PKHD1: variants seen among roughly 807,000 people sequenced by gnomAD.
The protein encoded by PKHD1 is fibrocystin.
Under a neutral mutation model 412.0 loss-of-function variants are expected in PKHD1, and 291 were observed. The ratio of observed to expected loss-of-function variants is 0.71; its 90% CI spans 0.64 to 0.78. The LOEUF (loss-of-function observed/expected upper bound fraction) is 0.78, where lower values mean the gene tolerates loss of function less well. PKHD1 is among the 30% of genes least tolerant of loss of function. The probability of loss-of-function intolerance (pLI) is 0.00; values close to 1 mark genes in which losing one functional copy is unlikely to be tolerated. For missense variants in PKHD1, 4,825 were observed against 4,950.7 expected, an observed-to-expected ratio of 0.97 and a Z score of 0.76; for synonymous variants, 1,777 against 1,821.5, an observed-to-expected ratio of 0.98 and a Z score of 0.62.
chr6:51,722,063 C>G (rs760726400), intron 60 of PKHD1: 1 of 1,613,340 alleles, frequency 6.2e-7, no homozygotes, highest in Non-Finnish European at 8.5e-7. Flanking sequence ...TGAAGGCTCT[C>G]CAAAAATATG....
intron 55 of PKHD1, among the ~76,000 whole-genome samples, chr6:51,765,057 T>C (rs1332217765): frequency 6.6e-6 from 1 of 152,106 alleles, no homozygotes; most frequent in Non-Finnish European, 1.5e-5. Flanking sequence ...CAACTTCGCA[T>C]GCCCCTGCTG....
In PKHD1 at chr6:51,909,369, A is replaced by G; in HGVS notation, c.6596T>C (p.Val2199Ala). The change falls in exon 40 of 67, where the codon GTC (valine) becomes GCC (alanine). Residue 2199 changes from valine (V) to alanine (A), a missense_variant. Transcript: ENST00000371117. ...VQSFPEEPSQVQLKGVQFQVL... is the reference protein window; with the variant it reads ...VQSFPEEPSQAQLKGVQFQVL... Reference sequence around the variant, plus strand: ...TTGAAACTGCACTCCCTTCAACTGGACCTGGCTGGGCTCTTCTGGGAAGGA... The same window carrying G: ...TTGAAACTGCACTCCCTTCAACTGGGCCTGGCTGGGCTCTTCTGGGAAGGA... The G allele has an allele frequency of 6.2e-7, 1 of 1,613,472 alleles. No homozygotes were observed. The highest frequency in any genetic ancestry group is 1.7e-5 in the Admixed American group (1 of 59,946).
At position 51,754,913 on chromosome 6, in the gene PKHD1, A is replaced by C; in HGVS notation, c.8668T>G (p.Trp2890Gly). Residue 2890 changes from tryptophan to glycine, a missense_variant, in exon 56 of 67, where the codon TGG becomes GGG. Trp to Gly is a radical substitution (Grantham distance 184). Transcript: ENST00000371117. ...ERIIVEDAVD[W>G]RPHDKIVLSS... ...AGGACTATTTTGTCATGGGGGCGCC[A>C]ATCCACTGCATCTTCTACTATAATT... 6.2e-7 allele frequency: 1 copy of C among 1,613,526 alleles called. No homozygotes were observed. The highest frequency in any genetic ancestry group is 2.2e-5 in the East Asian group (1 of 44,874).
chr6:51,761,076 TA>T (rs762367288), intron 55 of PKHD1, among the ~76,000 whole-genome samples: 3 of 152,136 alleles, frequency 2.0e-5, no homozygotes, highest in Non-Finnish European at 4.4e-5. Context: ...ATCTTCTAGA[TA>T]TATATTCCAA....
intron 60 of PKHD1, chr6:51,739,882 G>A (rs1310977979): frequency 4.7e-6 from 2 of 422,292 alleles, no homozygotes; most frequent in Non-Finnish European, 1.0e-5. Context: ...TGCCCCACAT[G>A]TGTGAACCGG....
chr6:51,797,981 T>C (rs1794858619), intron 52 of PKHD1, among the ~76,000 whole-genome samples: 2 of 152,200 alleles, frequency 1.3e-5, no homozygotes, highest in Admixed American at 6.5e-5. Flanking sequence ...CCTTCAGTTC[T>C]TGTAAGGCAG....
chr6:52,024,638 C>A lies in PKHD1; in HGVS notation c.5172G>T (p.Gly1724=). 6.2e-7 allele frequency: 1 copy of A among 1,614,170 alleles called. No homozygotes were observed. The highest frequency in any genetic ancestry group is 8.5e-7 in the Non-Finnish European group (1 of 1,180,000). Residue 1724 remains glycine (G), a synonymous_variant, in exon 32 of 67, where the codon GGG becomes GGT. Coordinates refer to ENST00000371117, the MANE Select transcript of PKHD1 (RefSeq NM_138694.4). ...TGAACACCAGGGCAGATGAGGCCCA[C>A]CCTCTGATGCAGTCATAGCCTCTGA... The part of the protein sequence containing the change: ...YHVRGYDCIR[G]WASSALVFTS...
intron 60 of PKHD1, among the ~76,000 whole-genome samples, chr6:51,699,103 T>C (rs1053436468): frequency 6.6e-6 from 1 of 152,192 alleles, no homozygotes; most frequent in Non-Finnish European, 1.5e-5. Flanking sequence ...AATTCTCATA[T>C]GGTAATTTTT....
At chr6:51,634,602 G>A (rs1035478718) in intron 64 of PKHD1, among the ~76,000 whole-genome samples, 12 of 152,244 alleles carry the variant, frequency 7.9e-5, no homozygotes, top group African/African-American at 2.6e-4. Context: ...ACAAACATTT[G>A]TTAAACAAAT....
At chr6:52,059,200 G>T (rs1163200473) in intron 15 of PKHD1, among the ~76,000 whole-genome samples, 2 of 149,584 alleles carry the variant, frequency 1.3e-5, no homozygotes, top group Non-Finnish European at 3.0e-5. Flanking sequence ...TCCTCAATGT[G>T]CCTTTTGCTA....
In PKHD1 at chr6:51,621,042, G is replaced by T. The variant is rs560450470; in HGVS notation, c.11786-1522C>A. The stretch of plus-strand genomic sequence containing the variant: ...TTACCCTAGTTTTCCTAAGGAACCT[G>T]CAGCTCCTTCCAGAAGTGTTTCTTC... On this transcript the variant is annotated intron_variant, in intron 66 of 66. Transcript: ENST00000371117. 8.6e-4 allele frequency among the ~76,000 whole-genome samples: 131 copies of T among 152,166 alleles called. 1 individual carries two copies. The highest frequency in any genetic ancestry group is 3.1e-3 in the Admixed American group (47 of 15,280).
rs1772557847 is a variant in PKHD1, at chr6:51,659,938, G to A, written c.10188C>T (p.Tyr3396=). ...GTFREEQKCT[Y]QFLMQGFICK... ...AGATGAATCCTTGCATCAGAAATTG[G>A]TATGTACATTTCTGTTCTTCTCTAA... is the stretch of plus-strand genomic sequence containing the variant. Residue 3396 remains tyrosine (Y), a synonymous_variant, in exon 61 of 67, where the codon TAC becomes TAT. Coordinates refer to ENST00000371117, the MANE Select transcript of PKHD1 (RefSeq NM_138694.4). The A allele has an allele frequency of 3.7e-6, 6 of 1,609,948 alleles. No homozygotes were observed. The highest frequency in any genetic ancestry group is 3.4e-6 in the Non-Finnish European group (4 of 1,176,598).
intron 64 of PKHD1, among the ~76,000 whole-genome samples, chr6:51,633,754 A>G (rs1361764934): frequency 6.6e-6 from 1 of 152,204 alleles, no homozygotes; most frequent in African/African-American, 2.4e-5. Flanking sequence ...GAAAGGCTAC[A>G]TGTATGTGAG....
At chr6:52,049,161 C>A (rs1449565876) in intron 22 of PKHD1, among the ~76,000 whole-genome samples, 1 of 152,202 alleles carries the variant, frequency 6.6e-6, no homozygotes, top group African/African-American at 2.4e-5. Context: ...GTGCAACCAT[C>A]ATGCAGTTTA....
intron 12 of PKHD1, among the ~76,000 whole-genome samples, chr6:52,065,328 G>A (rs1050720994): frequency 2.6e-5 from 4 of 151,734 alleles, no homozygotes; most frequent in Non-Finnish European, 2.9e-5. Flanking sequence ...AAGGAGAAAA[G>A]AGAGAGTGCA....
intron 52 of PKHD1, among the ~76,000 whole-genome samples, chr6:51,818,505 G>A (rs999065955): frequency 6.6e-6 from 1 of 152,166 alleles, no homozygotes; most frequent in African/African-American, 2.4e-5. Context: ...TTATCTCTGA[G>A]CTCTTTCTTG....
chr6:51,655,392 T>C (rs978614835), intron 61 of PKHD1, among the ~76,000 whole-genome samples: 5 of 152,114 alleles, frequency 3.3e-5, no homozygotes, highest in African/African-American at 1.2e-4. Flanking sequence ...GGTTTTCTTC[T>C]CTATTCCAAA....
chr6:51,726,128 C>A (rs929230203), intron 60 of PKHD1, among the ~76,000 whole-genome samples: 2 of 152,146 alleles, frequency 1.3e-5, no homozygotes, highest in African/African-American at 4.8e-5. Context: ...ATAGATGTGT[C>A]TGAGAGATCC....
At chr6:51,982,164 C>T (rs1473765498) in intron 35 of PKHD1, among the ~76,000 whole-genome samples, 4 of 44,340 alleles carry the variant, frequency 9.0e-5, no homozygotes, top group Non-Finnish European at 1.0e-4. Context: ...CGCCCGGCAG[C>T]CACCCCGTCC....
Sources: allele counts gnomAD v4.1 joint callset (sites outside exome capture counted in the v4.1 genomes callset), GRCh38; gene constraint gnomAD v4.1.1; transcripts MANE v1.5; gene names NCBI Gene and HGNC (gene_info 2026-07-23, HGNC 2026-07-21).